Variants in FGD5 observed in about 807,000 individuals in gnomAD.
FGD5 encodes FYVE, RhoGEF and PH domain containing 5, also known as FYVE, RhoGEF and PH domain-containing protein 5.
A neutral mutation model predicts 133.4 loss-of-function variants in FGD5; 28 were observed. The ratio of observed to expected loss-of-function variants is 0.21; its 90% CI spans 0.16 to 0.29. FGD5 has a LOEUF of 0.29. Ranked by LOEUF, FGD5 falls within the 10% of genes least tolerant of loss-of-function variation. The pLI, the probability that FGD5 is intolerant of heterozygous loss-of-function variation, is 1.00. For missense variants in FGD5, 1,858 were observed against 1,895.2 expected, an observed-to-expected ratio of 0.98 and a Z score of 0.36; for synonymous variants, 810 against 776.5, an observed-to-expected ratio of 1.04 and a Z score of -0.72.
In FGD5 at chr3:14,820,721, G is replaced by A. The variant is rs775804273; in HGVS notation, c.1650G>A (p.Ser550=). The change falls in exon 1 of 20, where the codon TCG becomes TCA. Residue 550 remains serine, a synonymous_variant. Transcript: ENST00000285046. ...KPRAFTLYPR[S]FSVEGREIPV... ...GGGCCTTTACTTTATACCCTCGGTC[G>A]TTCTCCGTGGAAGGCCGAGAGATTC... is the stretch of plus-strand genomic sequence containing the variant. 8 of 1,602,698 alleles carry A rather than the reference G, an allele frequency of 5.0e-6. No homozygotes were observed. The highest frequency in any genetic ancestry group is 1.1e-5 in the South Asian group (1 of 88,994).
chr3:14,911,863 G>C (rs745702445), intron 11 of FGD5, among the ~76,000 whole-genome samples: 4 of 151,056 alleles, frequency 2.6e-5, no homozygotes, highest in Non-Finnish European at 5.9e-5. Context: ...CAGCGCCGCC[G>C]TGTCTGGAGT....
chr3:14,915,688 A>G (rs1188878368), intron 11 of FGD5, among the ~76,000 whole-genome samples: 2 of 151,894 alleles, frequency 1.3e-5, no homozygotes, highest in Non-Finnish European at 1.5e-5. Flanking sequence ...ACCCTAGTTC[A>G]TGTTGGCATC....
intron 9 of FGD5, 136 bp downstream of exon 9, chr3:14,901,197 G>C (rs1290205061): frequency 1.1e-6 from 1 of 928,596 alleles, no homozygotes; most frequent in Admixed American, 1.9e-5. Context: ...GCAGAGAGCC[G>C]TGGGTTCTGG....
intron 1 of FGD5, among the ~76,000 whole-genome samples, chr3:14,847,671 C>G (rs1013276569): frequency 6.6e-6 from 1 of 152,180 alleles, no homozygotes; most frequent in African/African-American, 2.4e-5. Flanking sequence ...AGAAAACTTG[C>G]CCAGGGTTGT....
intron 1 of FGD5, among the ~76,000 whole-genome samples, chr3:14,829,598 T>C (rs923943389): frequency 6.6e-6 from 1 of 152,222 alleles, no homozygotes; most frequent in Admixed American, 6.5e-5. Context: ...TTCTTTTGTC[T>C]TTTACAGTCT....
intron 4 of FGD5, among the ~76,000 whole-genome samples, chr3:14,891,523 C>A (rs1165977492): frequency 6.6e-6 from 1 of 152,216 alleles, no homozygotes; most frequent in East Asian, 1.9e-4. Context: ...GGGTTTCTGA[C>A]CTTCACGTTG....
upstream of FGD5, among the ~76,000 whole-genome samples, chr3:14,817,336 CA>C (rs2125065611): frequency 6.6e-6 from 1 of 152,246 alleles, no homozygotes; most frequent in African/African-American, 2.4e-5. Flanking sequence ...GCTGAGACTA[CA>C]GGCGTGTGCC....
rs146336493 is a variant in FGD5 at position 14,900,075 on chromosome 3, G to A, written c.3155-328G>A. 2.2e-4 allele frequency among the ~76,000 whole-genome samples: 33 copies of A among 152,320 alleles called. No homozygotes were observed. The East Asian group carries it at 6.2e-3, about 28-fold the overall frequency. Reference sequence around the variant, plus strand: ...ACTACAGGTTCCACACAACACACTCGGCTGTGCTGATTGCCATGTCTGTCG... The same window carrying A: ...ACTACAGGTTCCACACAACACACTCAGCTGTGCTGATTGCCATGTCTGTCG... On this transcript the variant is annotated intron_variant, in intron 7 of 19. Transcript: ENST00000285046.
Position 14,933,434 on chromosome 3 carries a change from C to T in FGD5, c.*267C>T. 1 of 445,656 alleles carries T rather than the reference C, an allele frequency of 2.2e-6. No individual in the cohort carries two copies. The highest frequency in any genetic ancestry group is 4.1e-6 in the Non-Finnish European group (1 of 246,744). The allele number at this position is 445,656 out of a possible 1,614,324, so 27.6% of individuals were successfully genotyped here. On this transcript the variant is annotated 3_prime_UTR_variant, in exon 20 of 20. Coordinates refer to ENST00000285046, the MANE Select transcript of FGD5 (RefSeq NM_152536.4). The stretch of plus-strand genomic sequence containing the variant: ...ACCCAGTAATAAACTATTTCCTTAC[C>T]CCGCAGTGAGTTAAAATTTAGTAAG...
At chr3:14,904,058 A>T (rs571932000) in intron 9 of FGD5, among the ~76,000 whole-genome samples, 38 of 152,236 alleles carry the variant, frequency 2.5e-4, no homozygotes, top group African/African-American at 8.9e-4. Context: ...GGTACTTTTC[A>T]TCCCATCATA....
At chr3:14,837,945 A>AG (rs918731389) in intron 1 of FGD5, among the ~76,000 whole-genome samples, 1 of 152,226 alleles carries the variant, frequency 6.6e-6, no homozygotes, top group African/African-American at 2.4e-5. Context: ...TAGTGGCTTA[A>AG]GACAACATCT....
intron 4 of FGD5, 104 bp downstream of exon 4, chr3:14,880,876 G>A (rs1428997361): frequency 2.8e-6 from 4 of 1,452,588 alleles, no homozygotes; most frequent in Non-Finnish European, 2.8e-6. Context: ...TCCATTAACA[G>A]AGGCCTGGCA....
chr3:14,843,477 C>T (rs1420443992), intron 1 of FGD5, among the ~76,000 whole-genome samples: 1 of 152,010 alleles, frequency 6.6e-6, no homozygotes, highest in East Asian at 1.9e-4. Context: ...CCACTGAGTC[C>T]ACCCCAGGCT....
At position 14,918,514 on chromosome 3, in the gene FGD5, C is replaced by T. The variant is rs559060082; in HGVS notation, c.3490-240C>T. 5.9e-5 allele frequency among the ~76,000 whole-genome samples: 9 copies of T among 152,338 alleles called. No homozygotes were observed. In the South Asian group the frequency reaches 1.7e-3, roughly 28 times the overall value. On this transcript the variant is annotated intron_variant, in intron 12 of 19. Transcript: ENST00000285046. ...ACATGACAGTGCACCTGGGGTTGCC[C>T]GGGCTGGGCCCTGAGCATGACGCTC...
In FGD5 at chr3:14,819,886, C is replaced by T. The variant is rs921327158; in HGVS notation, c.815C>T (p.Pro272Leu). Reference protein sequence around the residue: ...VQEAETATDCPEVLEEGCEEA... With the variant: ...VQEAETATDCLEVLEEGCEEA... ...GAGGCAGAGACAGCCACAGACTGCC[C>T]TGAAGTTCTTGAGGAGGGATGTGAA... The change falls in exon 1 of 20, where the codon CCT becomes CTT. Residue 272 changes from proline to leucine, a missense_variant. By Grantham distance (98) the Pro-to-Leu change is moderately conservative (BLOSUM62 -3). Around this residue, in one of 3 missense-constraint regions of FGD5, gnomAD observed 1,824 missense variants for 1,848.9 expected, o/e 0.99. Transcript: ENST00000285046. This position sits in a 1 kb window ranked among gnomAD's most constrained non-coding sequence, Gnocchi z 4.1. The T allele has an allele frequency of 1.9e-6, 3 of 1,613,608 alleles. No individual in the cohort carries two copies. Among genetic ancestry groups the T allele is most frequent in the Admixed American group, 3.3e-5 (2 of 59,978 alleles).
rs529690433 is a variant in FGD5 at position 14,907,425 on chromosome 3, G to A, written c.3265-215G>A. ...ATGCTGGACAGCACAGTGAGGCCAG[G>A]CAGCCGGCTCCACAGCACATAGAGC... is the stretch of plus-strand genomic sequence containing the variant. On this transcript the variant is annotated intron_variant, in intron 9 of 19. Coordinates refer to ENST00000285046, the MANE Select transcript of FGD5 (RefSeq NM_152536.4). Among the ~76,000 whole-genome samples, 3 of 152,312 alleles carry A rather than the reference G, an allele frequency of 2.0e-5. No individual in the cohort carries two copies. The South Asian group carries it at 6.2e-4, about 32-fold the overall frequency.
chr3:14,820,855 T>C lies in FGD5; in HGVS notation c.1784T>C (p.Phe595Ser). ...TGTGTAATTGGCTCCTCTGGGAGTT[T>C]CTCCCAGAGAAACCACCTTCCGTCC... ...LSCVIGSSGSFSQRNHLPSSG... is the reference protein window; with the variant it reads ...LSCVIGSSGSSSQRNHLPSSG... The change falls in exon 1 of 20, where the codon TTC becomes TCC. Residue 595 changes from phenylalanine to serine, a missense_variant. Coordinates refer to ENST00000285046, the MANE Select transcript of FGD5 (RefSeq NM_152536.4). 1.9e-6 allele frequency: 3 copies of C among 1,613,462 alleles called. No individual in the cohort carries two copies. Among genetic ancestry groups the C allele is most frequent in the Non-Finnish European group, 2.5e-6 (3 of 1,179,734 alleles).
At chr3:14,837,470 G>C (rs1205286491) in intron 1 of FGD5, among the ~76,000 whole-genome samples, 5 of 152,104 alleles carry the variant, frequency 3.3e-5, no homozygotes. Flanking sequence ...GCGGGGGCTG[G>C]GGGGGATGTA....
At chr3:14,889,612 A>G (rs1459503423) in intron 4 of FGD5, among the ~76,000 whole-genome samples, 1 of 152,142 alleles carries the variant, frequency 6.6e-6, no homozygotes, top group Admixed American at 6.5e-5. Context: ...TTTACTAGAT[A>G]CTGCCAGATA....
Sources: gnomAD v4.1 joint callset for allele counts (sites outside exome capture counted in the v4.1 genomes callset) on GRCh38, gnomAD v4.1.1 for gene constraint, gnomAD v4.1.1 regional missense constraint, Gnocchi (gnomAD v3.1) non-coding constraint, MANE v1.5 for transcripts, NCBI Gene and HGNC (gene_info 2026-07-23, HGNC 2026-07-21) for gene names.